The following SNX30 variants were observed in gnomAD, a reference collection of about 807,000 sequenced individuals.
SNX30 encodes the protein sorting nexin family member 30.
SNX30 carries 24 observed loss-of-function variants against 46.4 expected under a neutral mutation model. The ratio of observed to expected loss-of-function variants is 0.52; its 90% CI spans 0.37 to 0.73. SNX30 has a LOEUF of 0.73. Among genes scored for constraint, SNX30 ranks in the 30% least tolerant of loss-of-function variants. The probability of loss-of-function intolerance (pLI) is 0.00; values close to 1 mark genes in which losing one functional copy is unlikely to be tolerated. For synonymous variants in SNX30, 189 were observed against 211.5 expected (o/e 0.89, Z 0.92); for missense variants, 533 against 555.7 (o/e 0.96, Z 0.41).
intron 8 of SNX30, among the ~76,000 whole-genome samples, chr9:112,865,859 C>G (rs1841333147): frequency 6.6e-6 from 1 of 151,246 alleles, no homozygotes; most frequent in South Asian, 2.1e-4. Flanking sequence ...ACCCAGAGTT[C>G]CTTTCTTCTG....
rs536856204 is a variant in SNX30 at position 112,784,930 on chromosome 9, C to T, written c.157-19846C>T. ...TCCCTTTCCTCCACATCTAGAATAG[C>T]ACCTAGCAGTCCATGGGAACTTGAT... On this transcript the variant is annotated intron_variant, in intron 1 of 8. Coordinates refer to ENST00000374232, the MANE Select transcript of SNX30 (RefSeq NM_001012994.2). Among the ~76,000 whole-genome samples the T allele has an allele frequency of 2.0e-5, 3 of 152,304 alleles. No individual in the cohort carries two copies. In the East Asian group the frequency reaches 5.8e-4, roughly 29 times the overall value.
At chr9:112,787,852 A>G (rs960422809) in intron 1 of SNX30, among the ~76,000 whole-genome samples, 2 of 151,578 alleles carry the variant, frequency 1.3e-5, no homozygotes, top group African/African-American at 2.4e-5. Context: ...GGTAGAGTAC[A>G]GTGGCGCGAT....
chr9:112,775,637 G>A (rs539669878), intron 1 of SNX30, among the ~76,000 whole-genome samples: 32 of 148,312 alleles, frequency 2.2e-4, no homozygotes, highest in Non-Finnish European at 3.9e-4. Flanking sequence ...AAAATTTGGT[G>A]AAAAATCTTC....
intron 1 of SNX30, among the ~76,000 whole-genome samples, chr9:112,789,393 A>G (rs908711257): frequency 3.9e-5 from 6 of 152,122 alleles, no homozygotes; most frequent in African/African-American, 1.2e-4. Context: ...ATTCTTCTCA[A>G]GTTGCCCCCA....
chr9:112,879,037 C>G (rs1195650832), downstream of SNX30: 1 of 152,156 alleles, frequency 6.6e-6, no homozygotes, highest in Non-Finnish European at 1.5e-5. Context: ...TCCTTCACAC[C>G]ACCCACTTTG....
At chr9:112,864,735 A>C (rs1309241410) in intron 8 of SNX30, among the ~76,000 whole-genome samples, 1 of 152,064 alleles carries the variant, frequency 6.6e-6, no homozygotes, top group Non-Finnish European at 1.5e-5. Flanking sequence ...CTTTGGGGTT[A>C]CTTTACTCTG....
At chr9:112,865,747 G>A (rs181244941) in intron 8 of SNX30, among the ~76,000 whole-genome samples, 1 of 144,140 alleles carries the variant, frequency 6.9e-6, no homozygotes, top group Non-Finnish European at 1.5e-5. Context: ...ATGAGTGAGT[G>A]TGTGTGTGTG....
At chr9:112,759,688 C>T (rs1839407545) in intron 1 of SNX30, among the ~76,000 whole-genome samples, 1 of 151,302 alleles carries the variant, frequency 6.6e-6, no homozygotes, top group African/African-American at 2.4e-5. Context: ...GAGATTGCGC[C>T]ACTGCACTCT....
chr9:112,750,253 C>A (rs1489434463), upstream of SNX30, among the ~76,000 whole-genome samples: 2 of 152,226 alleles, frequency 1.3e-5, no homozygotes, highest in Non-Finnish European at 2.9e-5. Flanking sequence ...CCCACACCGC[C>A]TCTTTGAAGT....
chr9:112,831,084 C>T lies in SNX30; in HGVS notation c.618+201C>T, dbSNP rs191855126. ...CCCAGGAGTTTGAGGCTTCAGTGAG[C>T]TATGATCGTGCCACTGCACTGCAGC... On this transcript the variant is annotated intron_variant, in intron 4 of 8. Coordinates refer to ENST00000374232, the MANE Select transcript of SNX30 (RefSeq NM_001012994.2). Among the ~76,000 whole-genome samples the T allele has an allele frequency of 6.5e-3, 975 of 150,248 alleles. 14 individuals are homozygous for T. Among genetic ancestry groups the T allele is most frequent in the African/African-American group, 0.023 (924 of 40,818 alleles).
At chr9:112,781,546 A>T (rs1295767600) in intron 1 of SNX30, among the ~76,000 whole-genome samples, 1 of 152,226 alleles carries the variant, frequency 6.6e-6, no homozygotes, top group Non-Finnish European at 1.5e-5. Flanking sequence ...TGGCAGACTA[A>T]GGCCAAAAGG....
chr9:112,859,673 G>A (rs1436751713), intron 7 of SNX30, among the ~76,000 whole-genome samples: 6 of 151,946 alleles, frequency 3.9e-5, no homozygotes, highest in East Asian at 1.9e-4. Flanking sequence ...GTGCAGTGGC[G>A]TGATCTTGGC....
chr9:112,761,935 C>T (rs1008796449), intron 1 of SNX30, among the ~76,000 whole-genome samples: 1 of 152,068 alleles, frequency 6.6e-6, no homozygotes, highest in East Asian at 1.9e-4. Flanking sequence ...AGACAAAGTG[C>T]ATATTGACAA....
chr9:112,815,224 TA>T (rs1216593702), intron 2 of SNX30, among the ~76,000 whole-genome samples: 1 of 151,176 alleles, frequency 6.6e-6, no homozygotes, highest in Non-Finnish European at 1.5e-5. Flanking sequence ...GTGGCAAAAA[TA>T]AAACGTGTGT....
At chr9:112,788,946 C>T (rs1839973952) in intron 1 of SNX30, among the ~76,000 whole-genome samples, 1 of 152,160 alleles carries the variant, frequency 6.6e-6, no homozygotes, top group Non-Finnish European at 1.5e-5. Flanking sequence ...CAGGCATGCG[C>T]CACCACGCCC....
At position 112,847,144 on chromosome 9, in the gene SNX30, TA is replaced by T. The variant is rs1370418680; in HGVS notation, c.1015-3714del. Among the ~76,000 whole-genome samples the T allele has an allele frequency of 2.0e-5, 3 of 152,382 alleles. No individual in the cohort carries two copies. In the East Asian group the frequency reaches 5.8e-4, roughly 29 times the overall value. On this transcript the variant is annotated intron_variant, in intron 6 of 8. Coordinates refer to ENST00000374232, the MANE Select transcript of SNX30 (RefSeq NM_001012994.2). ...CTTAATGACTGTTATTAATTTGTTA[TA>T]TTTGGATGACAGATATTGTGTTTCT...
At chr9:112,758,337 T>TC (rs1839382762) in intron 1 of SNX30, among the ~76,000 whole-genome samples, 1 of 145,638 alleles carries the variant, frequency 6.9e-6, no homozygotes, top group South Asian at 2.2e-4. Flanking sequence ...GCGCTCTCTC[T>TC]TTTTTTTTTT....
At chr9:112,866,200 C>A (rs990453819) in intron 8 of SNX30, among the ~76,000 whole-genome samples, 1 of 151,894 alleles carries the variant, frequency 6.6e-6, no homozygotes, top group African/African-American at 2.4e-5. Flanking sequence ...CAAAGGAGCC[C>A]ACAGCTTCAG....
chr9:112,751,241 G>A (rs993954856), intron 1 of SNX30, 84 bp downstream of exon 1: 79 of 1,286,690 alleles, frequency 6.1e-5, no homozygotes, highest in Non-Finnish European at 7.8e-5. Context: ...CGTGGGCCTG[G>A]GGCCGCGCCC....
Sources: allele counts gnomAD v4.1 joint callset (sites outside exome capture counted in the v4.1 genomes callset), GRCh38; gene constraint gnomAD v4.1.1; transcripts MANE v1.5; gene names NCBI Gene and HGNC (gene_info 2026-07-23, HGNC 2026-07-21).